The following COG5 variants were observed in gnomAD, a reference collection of about 807,000 sequenced individuals.
The protein encoded by COG5 is component of oligomeric golgi complex 5, also known as conserved oligomeric Golgi complex subunit 5.
Under a neutral mutation model 110.4 loss-of-function variants are expected in COG5, and 86 were observed. The ratio of observed to expected loss-of-function variants is 0.78; its 90% confidence interval spans 0.65 to 0.93. COG5 has a LOEUF of 0.93. Ranked by LOEUF, COG5 falls within the 40% of genes least tolerant of loss-of-function variation. The pLI, the probability that COG5 is intolerant of heterozygous loss-of-function variation, is 0.00. For synonymous variants in COG5, 360 were observed against 334.6 expected (o/e 1.08, Z -0.83); for missense variants, 1,077 against 987.0 (o/e 1.09, Z -1.22).
At chr7:107,222,198 TC>T (rs1277027817) in intron 19 of COG5, among the ~76,000 whole-genome samples, 4 of 148,168 alleles carry the variant, frequency 2.7e-5, no homozygotes, top group Non-Finnish European at 4.5e-5. Flanking sequence ...TAATCACCTG[TC>T]CCCCCCTTTT....
At chr7:107,428,767 T>C (rs766462255) in intron 6 of COG5, among the ~76,000 whole-genome samples, 1 of 152,234 alleles carries the variant, frequency 6.6e-6, no homozygotes, top group Admixed American at 6.5e-5. Context: ...TAACTGAGAA[T>C]TGAAGTCAGT....
At chr7:107,335,425 T>C (rs1273639618) in intron 10 of COG5, among the ~76,000 whole-genome samples, 2 of 152,170 alleles carry the variant, frequency 1.3e-5, no homozygotes, top group South Asian at 2.1e-4. Context: ...AACTTATGTT[T>C]TTTGTAAGCC....
intron 1 of COG5, chr7:107,563,489 T>C (rs1804112055): frequency 2.3e-6 from 1 of 430,150 alleles, no homozygotes; most frequent in East Asian, 4.9e-5. Flanking sequence ...AGCCGGTGGC[T>C]GCCAACGCGG....
intron 19 of COG5, among the ~76,000 whole-genome samples, chr7:107,228,607 A>G (rs1168954720): frequency 2.0e-5 from 3 of 152,138 alleles, no homozygotes; most frequent in Admixed American, 6.5e-5. Flanking sequence ...AGAACTCTAT[A>G]GCTTCAACAA....
chr7:107,516,900 A>C (rs144443815), intron 6 of COG5, among the ~76,000 whole-genome samples: 2 of 152,340 alleles, frequency 1.3e-5, no homozygotes, highest in Non-Finnish European at 2.9e-5. Context: ...AGATGAGGAA[A>C]AACCAGTGAA....
intron 10 of COG5, among the ~76,000 whole-genome samples, chr7:107,347,240 A>G (rs1464573429): frequency 2.6e-5 from 4 of 152,090 alleles, no homozygotes; most frequent in African/African-American, 9.7e-5. Flanking sequence ...TCAGGAAAAA[A>G]CTGTTATACT....
intron 1 of COG5, among the ~76,000 whole-genome samples, chr7:107,559,208 T>C (rs542685520): frequency 5.9e-5 from 9 of 152,076 alleles, no homozygotes; most frequent in Non-Finnish European, 1.0e-4. Flanking sequence ...AGGCCCCTAA[T>C]AGACAGAAAA....
At chr7:107,449,729 T>C (rs1210646162) in intron 6 of COG5, among the ~76,000 whole-genome samples, 2 of 152,228 alleles carry the variant, frequency 1.3e-5, no homozygotes, top group Non-Finnish European at 2.9e-5. Context: ...CCTGCAGCTA[T>C]GGTTGCCCAC....
rs1185268955 is a variant in COG5 at position 107,234,045 on chromosome 7, TGCCTCC to T, written c.2091+2399_2091+2404del. Among the ~76,000 whole-genome samples the T allele has an allele frequency of 3.9e-5, 6 of 152,224 alleles. No homozygotes were observed. In the East Asian group the frequency reaches 7.7e-4, roughly 20 times the overall value. ...TCACAGATATGATTAATTATGATAG[TGCCTCC>T]GCCTGTCTTTTCTGTACCCATGATC... On this transcript the variant is annotated intron_variant, in intron 18 of 21. Transcript: ENST00000297135.
intron 14 of COG5, among the ~76,000 whole-genome samples, chr7:107,266,313 C>T (rs1455007769): frequency 6.6e-6 from 1 of 152,064 alleles, no homozygotes; most frequent in African/African-American, 2.4e-5. Context: ...ATTCTCACAG[C>T]GTATGCCATA....
At chr7:107,287,444 T>A (rs1805735005) in intron 12 of COG5, among the ~76,000 whole-genome samples, 1 of 152,188 alleles carries the variant, frequency 6.6e-6, no homozygotes, top group African/African-American at 2.4e-5. Flanking sequence ...TTGACACAAG[T>A]GACTCCATGT....
At chr7:107,407,466 G>A (rs1034430393) in intron 7 of COG5, among the ~76,000 whole-genome samples, 5 of 152,122 alleles carry the variant, frequency 3.3e-5, no homozygotes, top group Non-Finnish European at 7.4e-5. Flanking sequence ...TACTTATTGA[G>A]CAATTCAAAG....
intron 19 of COG5, among the ~76,000 whole-genome samples, chr7:107,228,227 C>G (rs1800505726): frequency 6.9e-6 from 1 of 145,942 alleles, no homozygotes; most frequent in African/African-American, 2.6e-5. Context: ...CTTGGGCATG[C>G]AAGGTGGAGG....
chr7:107,523,738 C>G (rs750468524), intron 6 of COG5, among the ~76,000 whole-genome samples: 7 of 151,984 alleles, frequency 4.6e-5, no homozygotes, highest in African/African-American at 9.7e-5. Flanking sequence ...TTGCTTAAAC[C>G]CGGGAGGCGG....
intron 10 of COG5, among the ~76,000 whole-genome samples, chr7:107,327,381 T>G (rs933121379): frequency 2.3e-4 from 35 of 152,086 alleles, no homozygotes; most frequent in African/African-American, 7.7e-4. Context: ...GACACTGGAT[T>G]TGGCAATAAT....
rs759882355 is a variant in COG5 at position 107,474,809 on chromosome 7, A to G, written c.538+52428T>C. Reference sequence around the variant, plus strand: ...ATAGGCACAAGATTTTCAACAGGGCAGAAGAAGAAAGCAAGAAAGAAAAAG... The same window carrying G: ...ATAGGCACAAGATTTTCAACAGGGCGGAAGAAGAAAGCAAGAAAGAAAAAG... On this transcript the variant is annotated intron_variant, in intron 6 of 21. Coordinates refer to ENST00000297135, the MANE Select transcript of COG5 (RefSeq NM_006348.5). The surrounding 1 kb of genome is among the most constrained non-coding windows in gnomAD (Gnocchi z 5.7). 1 of 1,613,046 alleles carries G rather than the reference A, an allele frequency of 6.2e-7. No homozygotes were observed. The highest frequency in any genetic ancestry group is 8.5e-7 in the Non-Finnish European group (1 of 1,179,534).
intron 7 of COG5, among the ~76,000 whole-genome samples, chr7:107,386,775 A>G (rs1790239757): frequency 6.6e-6 from 1 of 152,300 alleles, no homozygotes; most frequent in East Asian, 1.9e-4. Flanking sequence ...AAGTAGGGAG[A>G]AATCTGAAAC....
intron 6 of COG5, among the ~76,000 whole-genome samples, chr7:107,524,193 T>C (rs1346125533): frequency 1.3e-5 from 2 of 152,210 alleles, no homozygotes; most frequent in African/African-American, 4.8e-5. Context: ...GCAGTGGTTT[T>C]TAGTACACTG....
chr7:107,375,339 C>T (rs1253536703), intron 7 of COG5, among the ~76,000 whole-genome samples: 3 of 152,108 alleles, frequency 2.0e-5, no homozygotes, highest in African/African-American at 7.2e-5. Context: ...ATTCTGTACA[C>T]CTCTATTAGT....
Sources: gnomAD v4.1 joint callset for allele counts (sites outside exome capture counted in the v4.1 genomes callset) on GRCh38, gnomAD v4.1.1 for gene constraint, Gnocchi (gnomAD v3.1) non-coding constraint, MANE v1.5 for transcripts, NCBI Gene and HGNC (gene_info 2026-07-23, HGNC 2026-07-21) for gene names.